Variants in TET3 observed in about 807,000 individuals in gnomAD.
TET3 encodes the protein tet methylcytosine dioxygenase 3.
A neutral mutation model predicts 141.4 loss-of-function variants in TET3; 19 were observed. The ratio of observed to expected loss-of-function variants is 0.13; its 90% confidence interval spans 0.09 to 0.20. TET3 has a LOEUF of 0.20. Among genes scored for constraint, TET3 ranks in the 10% least tolerant of loss-of-function variants. TET3 has a pLI of 1.00. For missense variants in TET3, 1,874 were observed against 2,356.9 expected, an observed-to-expected ratio of 0.80 and a Z score of 4.24; for synonymous variants, 1,043 against 980.9, an observed-to-expected ratio of 1.06 and a Z score of -1.18.
intron 3 of TET3, among the ~76,000 whole-genome samples, chr2:74,003,996 C>T (rs977381951): frequency 2.0e-5 from 3 of 152,106 alleles, no homozygotes; most frequent in African/African-American, 7.2e-5. Flanking sequence ...CTTTTCAGGG[C>T]TAAGGAGCCA....
the TET3 span, among the ~76,000 whole-genome samples, chr2:74,114,787 G>A: frequency 2.2e-5 from 3 of 138,574 alleles, no homozygotes; most frequent in Middle Eastern, 4.1e-3. Flanking sequence ...CCAGGAGGTG[G>A]AGATTGCAGT....
rs1046999193 is a variant in TET3 at position 74,106,535 on chromosome 2, G to C, written c.*4359G>C. On this transcript the variant is annotated 3_prime_UTR_variant, in exon 12 of 12. Coordinates refer to ENST00000409262, the MANE Select transcript of TET3 (RefSeq NM_001287491.2). ...CTGGCTGGGACCATGGTGGGCAGGG[G>C]CTTCATTCTCTGACCCAGCGTTGCT... 2.6e-5 allele frequency: 4 copies of C among 153,752 alleles called. No individual in the cohort carries two copies. The highest frequency in any genetic ancestry group is 5.9e-5 in the Non-Finnish European group (4 of 68,066). 9.5% of individuals were successfully genotyped at this position (153,752 alleles called of 1,614,324 possible). A position where few individuals can be genotyped will look rare whatever the true frequency, so the allele number is the denominator to read the frequency against.
chr2:74,066,274 ATATCTT>A (rs1688893557), intron 4 of TET3, among the ~76,000 whole-genome samples: 1 of 152,178 alleles, frequency 6.6e-6, no homozygotes, highest in Non-Finnish European at 1.5e-5. Context: ...AAGACACTTA[ATATCTT>A]AGTTCCTAGC....
At chr2:74,082,733 G>T (rs1325233039) in intron 6 of TET3, among the ~76,000 whole-genome samples, 10 of 152,012 alleles carry the variant, frequency 6.6e-5, no homozygotes, top group African/African-American at 2.2e-4. Flanking sequence ...TATGTTTTTT[G>T]GTAAGAGGGC....
chr2:74,070,328 A>G (rs1285261029), intron 4 of TET3, among the ~76,000 whole-genome samples: 1 of 152,222 alleles, frequency 6.6e-6, no homozygotes, highest in East Asian at 1.9e-4. Flanking sequence ...ATGAGAGCCA[A>G]GTGGAAGGGG....
At chr2:74,126,506 T>G in the TET3 span, among the ~76,000 whole-genome samples, 1 of 148,788 alleles carries the variant, frequency 6.7e-6, no homozygotes. Flanking sequence ...CTGGATTTTT[T>G]TTTTTTTTTT....
chr2:74,001,225 C>G (rs559688568), intron 2 of TET3, among the ~76,000 whole-genome samples: 1 of 152,152 alleles, frequency 6.6e-6, no homozygotes, highest in Non-Finnish European at 1.5e-5. Context: ...TTCCAAAGGC[C>G]GCTCATCCTG....
intron 8 of TET3, 24 bp downstream of exon 8, chr2:74,090,071 C>G: frequency 6.2e-7 from 1 of 1,611,002 alleles, no homozygotes; most frequent in East Asian, 2.2e-5. Flanking sequence ...GGCGGGGACC[C>G]TGCCTCCCAT....
chr2:74,134,888 C>A, the TET3 span: 1 of 409,626 alleles, frequency 2.4e-6, no homozygotes, highest in Middle Eastern at 3.5e-4. Flanking sequence ...GAATGGATGT[C>A]CCACTGTCCC....
chr2:74,023,129 C>A (rs1686144180), intron 3 of TET3, among the ~76,000 whole-genome samples: 1 of 152,122 alleles, frequency 6.6e-6, no homozygotes, highest in African/African-American at 2.4e-5. Flanking sequence ...GTTCCTTGGA[C>A]CACATTTTTG....
chr2:74,020,579 G>A (rs766555802), intron 3 of TET3, among the ~76,000 whole-genome samples: 3 of 152,172 alleles, frequency 2.0e-5, no homozygotes, highest in Non-Finnish European at 2.9e-5. Context: ...CTGTACCCTT[G>A]GCAGTGGTTC....
At chr2:73,999,300 A>G (rs1434720722) in intron 2 of TET3, among the ~76,000 whole-genome samples, 1 of 152,180 alleles carries the variant, frequency 6.6e-6, no homozygotes, top group Non-Finnish European at 1.5e-5. Flanking sequence ...CTTGGGCAAG[A>G]TACTTAGCCT....
chr2:74,047,646 GAGA>G lies in TET3; in HGVS notation c.1741_1743del (p.Lys581del), dbSNP rs760396509. 1.1e-5 allele frequency: 18 copies of G among 1,613,418 alleles called. No individual in the cohort carries two copies. The highest frequency in any genetic ancestry group is 2.2e-5 in the South Asian group (2 of 90,992). On this transcript the variant is annotated inframe_deletion, in exon 4 of 12. Transcript: ENST00000409262. ...ACGGCTTCCAGACAGACCACCCAAG[GAGA>G]AGAAGAAGAAGCTCCCAACACCAGC...
chr2:74,093,789 T>C lies in TET3; in HGVS notation c.3267+123T>C, dbSNP rs1377710555. The C allele has an allele frequency of 8.5e-6, 11 of 1,291,458 alleles. No homozygotes were observed. Among genetic ancestry groups the C allele is most frequent in the Admixed American group, 3.0e-5 (1 of 33,414 alleles). 80.0% of individuals were successfully genotyped at this position (1,291,458 alleles called of 1,614,324 possible). ...CCTGGAGACAGGATCCTCAGAACTC[T>C]GGAAGGTTCCCTGCAAGACGGCCTG... On this transcript the variant is annotated intron_variant, in intron 10 of 11. Transcript: ENST00000409262. This position sits in a 1 kb window ranked among gnomAD's most constrained non-coding sequence, Gnocchi z 4.2.
chr2:74,044,615 T>C (rs191304017), intron 3 of TET3, among the ~76,000 whole-genome samples: 2 of 152,352 alleles, frequency 1.3e-5, no homozygotes, highest in East Asian at 1.9e-4. Flanking sequence ...ACCTTGGTGA[T>C]GGCGTGGTTG....
intron 3 of TET3, among the ~76,000 whole-genome samples, chr2:74,004,195 T>C: frequency 6.6e-6 from 1 of 152,144 alleles, no homozygotes; most frequent in Non-Finnish European, 1.5e-5. Flanking sequence ...TTCCTGCCCC[T>C]GCCTCAGCCC....
intron 10 of TET3, among the ~76,000 whole-genome samples, chr2:74,098,008 G>A (rs1690949992): frequency 6.6e-6 from 1 of 152,160 alleles, no homozygotes; most frequent in Non-Finnish European, 1.5e-5. Flanking sequence ...GAATAAAAAA[G>A]CAAATCTTGT....
intron 3 of TET3, among the ~76,000 whole-genome samples, chr2:74,011,155 G>A (rs1004564741): frequency 1.3e-5 from 2 of 150,734 alleles, no homozygotes; most frequent in African/African-American, 4.9e-5. Flanking sequence ...TTGAACCCGG[G>A]AGGCAGAGGT....
At chr2:73,985,735 T>C (rs1683989361) in intron 1 of TET3, among the ~76,000 whole-genome samples, 1 of 151,994 alleles carries the variant, frequency 6.6e-6, no homozygotes, top group African/African-American at 2.4e-5. Flanking sequence ...AGGGCAACTT[T>C]CTTAGAAATC....
Sources: gnomAD v4.1 joint callset for allele counts (sites outside exome capture counted in the v4.1 genomes callset) on GRCh38, gnomAD v4.1.1 for gene constraint, Gnocchi (gnomAD v3.1) non-coding constraint, MANE v1.5 for transcripts, NCBI Gene and HGNC (gene_info 2026-07-23, HGNC 2026-07-21) for gene names.